TTLL9: variants seen among roughly 807,000 people sequenced by gnomAD.
TTLL9 encodes probable tubulin polyglutamylase TTLL9.
TTLL9 carries 47 observed loss-of-function variants against 65.6 expected under a neutral mutation model. The ratio of observed to expected loss-of-function variants is 0.72; its 90% CI spans 0.57 to 0.91. The LOEUF is 0.91. Among genes scored for constraint, TTLL9 ranks in the 40% least tolerant of loss-of-function variants. The probability of loss-of-function intolerance (pLI) is 0.00; values close to 1 mark genes in which losing one functional copy is unlikely to be tolerated. For synonymous variants in TTLL9, 179 were observed against 204.8 expected, an observed-to-expected ratio of 0.87 and a Z score of 1.07; for missense variants, 537 against 568.8, an observed-to-expected ratio of 0.94 and a Z score of 0.57.
intron 2 of TTLL9, chr20:31,879,796 G>C: frequency 6.5e-7 from 1 of 1,545,246 alleles, no homozygotes; most frequent in Non-Finnish European, 8.7e-7. Flanking sequence ...GCGGATCCAG[G>C]CGCCTGTCTG....
At chr20:31,939,896 G>A (rs1201029304) in intron 14 of TTLL9, 1 of 152,164 alleles carries the variant, frequency 6.6e-6, no homozygotes, top group Non-Finnish European at 1.5e-5. Context: ...GTGCTTGTCC[G>A]CTAGACTCTC....
At chr20:31,938,755 G>A (rs542355075) in intron 13 of TTLL9, among the ~76,000 whole-genome samples, 48 of 152,320 alleles carry the variant, frequency 3.2e-4, no homozygotes, top group African/African-American at 1.0e-3. Context: ...GTGTGCGCCT[G>A]TAGTCCCAGC....
At chr20:31,929,368 G>C (rs2063966463) in intron 10 of TTLL9, among the ~76,000 whole-genome samples, 1 of 152,180 alleles carries the variant, frequency 6.6e-6, no homozygotes, top group Non-Finnish European at 1.5e-5. Context: ...AAGTGGTATA[G>C]CTCATGAAAA....
chr20:31,893,582 C>T (rs547341814), intron 3 of TTLL9, among the ~76,000 whole-genome samples: 14 of 152,120 alleles, frequency 9.2e-5, no homozygotes, highest in African/African-American at 2.9e-4. Flanking sequence ...TAAGCCACTG[C>T]GCCTAGCCAA....
rs756453983 is a variant in TTLL9 at position 31,923,053 on chromosome 20, G to T, written c.664G>T (p.Gly222Cys). 4.3e-6 allele frequency: 7 copies of T among 1,610,254 alleles called. No homozygotes were observed. In the East Asian group the frequency reaches 1.6e-4, roughly 36 times the overall value. ...RYIENPYLIG[G>C]RKFDLRVYVL... is the part of the protein sequence containing the mutation. ...CATTGAAAATCCTTACCTGATAGGA[G>T]GTGAGATGGCTGTGTCTGCTCCTGC... Residue 222 changes from glycine to cysteine, a missense_variant and splice_region_variant, in exon 8 of 15, where the codon GGC becomes TGC. Gly to Cys is a radical substitution (Grantham distance 159, BLOSUM62 -3). Transcript: ENST00000535842.
intron 2 of TTLL9, among the ~76,000 whole-genome samples, chr20:31,872,491 A>T (rs184076975): frequency 6.6e-6 from 1 of 151,646 alleles, no homozygotes; most frequent in East Asian, 1.9e-4. Context: ...AGCCTGGGAA[A>T]CATAGGGAGA....
intron 2 of TTLL9, among the ~76,000 whole-genome samples, chr20:31,884,320 G>A (rs1373467895): frequency 6.6e-6 from 1 of 152,074 alleles, no homozygotes. Flanking sequence ...CCGCCTCCTG[G>A]GTTCAAGTGA....
intron 4 of TTLL9, among the ~76,000 whole-genome samples, chr20:31,906,707 T>A (rs1286224901): frequency 6.6e-6 from 1 of 151,990 alleles, no homozygotes; most frequent in Non-Finnish European, 1.5e-5. Context: ...TGGAGTGCAG[T>A]GGCATGATCT....
intron 2 of TTLL9, chr20:31,879,890 G>A (rs750905662): frequency 7.7e-6 from 12 of 1,550,384 alleles, no homozygotes; most frequent in Non-Finnish European, 1.0e-5. Context: ...GTTATGTCGC[G>A]ACCGAAGGTA....
rs927178038 is a variant in TTLL9 at position 31,944,094 on chromosome 20, T to C, written c.*1073T>C. 4.6e-5 allele frequency: 15 copies of C among 328,920 alleles called. No individual in the cohort carries two copies. Among genetic ancestry groups the C allele is most frequent in the Non-Finnish European group, 8.5e-5 (14 of 165,156 alleles). The allele number at this position is 328,920 out of a possible 1,614,324, so 20.4% of individuals were successfully genotyped here. On this transcript the variant is annotated 3_prime_UTR_variant, in exon 15 of 15. Transcript: ENST00000535842. Reference sequence around the variant, plus strand: ...ATCCAAGAAGTGAACCAGCCGACTTTAGGAAAGCCAGAAGCCAGGCTACTC... The same window carrying C: ...ATCCAAGAAGTGAACCAGCCGACTTCAGGAAAGCCAGAAGCCAGGCTACTC...
chr20:31,927,499 A>G (rs1341194152), intron 10 of TTLL9, among the ~76,000 whole-genome samples: 3 of 151,712 alleles, frequency 2.0e-5, no homozygotes, highest in Middle Eastern at 3.4e-3. Context: ...AAAAAAAAAA[A>G]AAAAAGAAAC....
At chr20:31,873,745 G>A (rs1226378540) in intron 2 of TTLL9, among the ~76,000 whole-genome samples, 17 of 132,780 alleles carry the variant, frequency 1.3e-4, no homozygotes, top group African/African-American at 3.2e-4. Context: ...AAAAAGGAAG[G>A]AAGGAAGAAA....
intron 3 of TTLL9, among the ~76,000 whole-genome samples, chr20:31,896,641 T>C (rs2063393259): frequency 6.6e-6 from 1 of 152,080 alleles, no homozygotes; most frequent in South Asian, 2.1e-4. Context: ...GCGATTCTCC[T>C]GCCTCAGCCT....
rs150421269 is a variant in TTLL9 at position 31,925,608 on chromosome 20, T to A, written c.706-441T>A. Among the ~76,000 whole-genome samples the A allele has an allele frequency of 1.1e-3, 164 of 152,206 alleles. 1 individual carries two copies. The highest frequency in any genetic ancestry group is 3.9e-3 in the African/African-American group (162 of 41,542). On this transcript the variant is annotated intron_variant, in intron 9 of 14. Coordinates refer to ENST00000535842, the MANE Select transcript of TTLL9 (RefSeq NM_001008409.5). ...TCAAATCTTTTTGCTGGGCACAGGA[T>A]ACAGGGGTGTCCAAGACAGACTCCA...
chr20:31,942,734 G>A (rs1857051023), intron 14 of TTLL9, among the ~76,000 whole-genome samples: 8 of 152,230 alleles, frequency 5.3e-5, no homozygotes, highest in Admixed American at 5.2e-4. Context: ...GTAGTATCCT[G>A]GTTTACAGAT....
Position 31,937,271 on chromosome 20 carries a change from G to C in TTLL9, c.1005-125G>C, listed in dbSNP as rs2064127581. ...AAAAATAATTAAAAAAAAATAGAAA[G>C]GTAGAGAGAGTAGCCTGGATTGAAT... On this transcript the variant is annotated intron_variant, in intron 12 of 14. Transcript: ENST00000535842. 3 of 623,744 alleles carry C rather than the reference G, an allele frequency of 4.8e-6. No individual in the cohort carries two copies. In the East Asian group the frequency reaches 8.7e-5, roughly 18 times the overall value. 38.6% of individuals were successfully genotyped at this position (623,744 alleles called of 1,614,324 possible).
At chr20:31,877,562 G>A (rs1323774194) in intron 2 of TTLL9, among the ~76,000 whole-genome samples, 1 of 152,018 alleles carries the variant, frequency 6.6e-6, no homozygotes, top group Non-Finnish European at 1.5e-5. Context: ...ACATGTATAT[G>A]TCTTAAATAT....
At chr20:31,942,451 A>G (rs2064226568) in intron 14 of TTLL9, among the ~76,000 whole-genome samples, 1 of 152,136 alleles carries the variant, frequency 6.6e-6, no homozygotes, top group East Asian at 1.9e-4. Context: ...AGCTAACAGT[A>G]CTGGGCAGCT....
intron 2 of TTLL9, chr20:31,872,969 C>G: frequency 1.9e-6 from 1 of 516,222 alleles, no homozygotes; most frequent in Non-Finnish European, 3.9e-6. Context: ...GCCAGGTCAT[C>G]TGATTTATTT....
Sources: allele counts gnomAD v4.1 joint callset (sites outside exome capture counted in the v4.1 genomes callset), GRCh38; gene constraint gnomAD v4.1.1; transcripts MANE v1.5; gene names NCBI Gene and HGNC (gene_info 2026-07-23, HGNC 2026-07-21).